Variants in C6orf141 observed in about 807,000 individuals in gnomAD.
C6orf141 encodes the protein chromosome 6 open reading frame 141, also known as uncharacterized protein C6orf141.
For missense variants in C6orf141, 361 were observed against 335.8 expected, an observed-to-expected ratio of 1.07 and a Z score of -0.59; for synonymous variants, 164 against 140.5, an observed-to-expected ratio of 1.17 and a Z score of -1.18.
chr6:49,559,244 A>G (rs1287136252), intron 4 of C6orf141, among the ~76,000 whole-genome samples: 1 of 127,394 alleles, frequency 7.8e-6, no homozygotes, highest in East Asian at 2.3e-4. Context: ...TCAGTCTTTC[A>G]TTTATGTTAG....
downstream of C6orf141, chr6:49,552,587 T>C (rs572813255): frequency 1.3e-5 from 2 of 152,372 alleles, no homozygotes; most frequent in Non-Finnish European, 2.9e-5. Flanking sequence ...CTCTGGCTTT[T>C]GATGAGCAAA....
chr6:49,557,112 G>A (rs140305997), intron 4 of C6orf141, among the ~76,000 whole-genome samples: 56 of 152,150 alleles, frequency 3.7e-4, no homozygotes, highest in African/African-American at 1.3e-3. Flanking sequence ...AATTAGCCGA[G>A]GTGATGGTGC....
intron 4 of C6orf141, chr6:49,560,449 G>A (rs1331213872): frequency 6.6e-6 from 1 of 152,272 alleles, no homozygotes. Flanking sequence ...TTGCTCAGGA[G>A]AGAACAATAA....
In C6orf141 at chr6:49,550,857, C is replaced by A; in HGVS notation, c.65C>A (p.Ser22Tyr). Residue 22 changes from serine (S) to tyrosine (Y), a missense_variant, in exon 1 of 1, where the codon TCC (serine) becomes TAC (tyrosine). Transcript: ENST00000529246. Reference sequence around the variant, plus strand: ...CAGGGAGCTGCGAATCCCATGGACTCCTCCCGCAGCCTGGGGGACCTCGGG... The same window carrying A: ...CAGGGAGCTGCGAATCCCATGGACTACTCCCGCAGCCTGGGGGACCTCGGG... ...GPQGAANPMD[S>Y]SRSLGDLGPF... is the part of the protein sequence containing the mutation. 8 of 1,500,248 alleles carry A rather than the reference C, an allele frequency of 5.3e-6. No individual in the cohort carries two copies. Among genetic ancestry groups the A allele is most frequent in the Non-Finnish European group, 7.1e-6 (8 of 1,128,666 alleles). 92.9% of individuals were successfully genotyped at this position (1,500,248 alleles called of 1,614,324 possible).
intron 4 of C6orf141, among the ~76,000 whole-genome samples, chr6:49,558,891 T>C (rs1244974228): frequency 2.6e-5 from 4 of 151,540 alleles, no homozygotes; most frequent in African/African-American, 9.7e-5. Flanking sequence ...GTATTTTTAG[T>C]AGAGACGGGG....
downstream of C6orf141, among the ~76,000 whole-genome samples, chr6:49,556,970 G>A (rs1282418261): frequency 6.6e-6 from 1 of 152,082 alleles, no homozygotes; most frequent in East Asian, 1.9e-4. Context: ...AACAGAACAA[G>A]AGGCCAAGCA....
At position 49,550,755 on chromosome 6, in the gene C6orf141, C is replaced by A; in HGVS notation, c.-38C>A. The A allele has an allele frequency of 7.0e-7, 1 of 1,428,748 alleles. No homozygotes were observed. Among genetic ancestry groups the A allele is most frequent in the Non-Finnish European group, 9.2e-7 (1 of 1,087,342 alleles). The allele number at this position is 1,428,748 out of a possible 1,614,324, so 88.5% of individuals were successfully genotyped here. On this transcript the variant is annotated 5_prime_UTR_variant, in exon 1 of 1. Coordinates refer to ENST00000529246, the MANE Select transcript of C6orf141 (RefSeq NM_001145652.2). ...TGGTCCCGCGCTTTCCGGAGCTCAG[C>A]AGGCGCTTGCTGCTTGAACCGGTCA...
intron 4 of C6orf141, among the ~76,000 whole-genome samples, chr6:49,559,425 A>G (rs1042255036): frequency 2.0e-5 from 3 of 151,878 alleles, no homozygotes; most frequent in Non-Finnish European, 2.9e-5. Flanking sequence ...GCTTTGGCAT[A>G]GTTTAATCCT....
chr6:49,554,614 C>T (rs541770828), downstream of C6orf141, among the ~76,000 whole-genome samples: 2 of 152,138 alleles, frequency 1.3e-5, no homozygotes, highest in South Asian at 4.1e-4. Context: ...ATCTCCTTGA[C>T]CTTGTGATGC....
chr6:49,556,571 AG>A (rs1771981244), downstream of C6orf141, among the ~76,000 whole-genome samples: 1 of 152,242 alleles, frequency 6.6e-6, no homozygotes, highest in Non-Finnish European at 1.5e-5. Context: ...AAGGTGAAAA[AG>A]CAGGAAGTCA....
In C6orf141 at chr6:49,551,228, G is replaced by T; in HGVS notation, c.436G>T (p.Ala146Ser). Residue 146 changes from alanine (A) to serine (S), a missense_variant, in exon 1 of 1, where the codon GCC (alanine) becomes TCC (serine). By Grantham distance (99) the Ala-to-Ser change is moderately conservative. Transcript: ENST00000529246. ...RQKRISGRRVAPPRDAADPPK... is the reference protein window; with the variant it reads ...RQKRISGRRVSPPRDAADPPK... ...AAAGCGAATTTCTGGCAGGCGTGTA[G>T]CCCCGCCGCGGGACGCAGCAGACCC... 1 of 1,551,586 alleles carries T rather than the reference G, an allele frequency of 6.4e-7. No homozygotes were observed. Among genetic ancestry groups the T allele is most frequent in the Non-Finnish European group, 8.7e-7 (1 of 1,146,926 alleles).
rs1346599956 is a variant in C6orf141, at chr6:49,551,037, A to G, written c.245A>G (p.Glu82Gly). ...CGGGCCGGGGAGGAATTGGACCGTG[A>G]GTCCTGGGTCAGAGAGAAAGTGCTC... ...GPRAGEELDR[E>G]SWVREKVLFL... Residue 82 changes from glutamate (E) to glycine (G), a missense_variant, in exon 1 of 1, where the codon GAG becomes GGG. Coordinates refer to ENST00000529246, the MANE Select transcript of C6orf141 (RefSeq NM_001145652.2). 4.5e-6 allele frequency: 7 copies of G among 1,551,458 alleles called. No homozygotes were observed. Among genetic ancestry groups the G allele is most frequent in the Non-Finnish European group, 6.1e-6 (7 of 1,146,942 alleles).
At chr6:49,554,549 T>C (rs200760195), downstream of C6orf141, among the ~76,000 whole-genome samples, 141,824 of 152,026 alleles carry the variant, frequency 0.93, 66,576 homozygotes, top group East Asian at 1. Flanking sequence ...CCTGGCTAGT[T>C]TTTTTGTATT....
Position 49,550,862 on chromosome 6 carries a change from C to T in C6orf141, c.70C>T (p.Arg24Cys), listed in dbSNP as rs936826628. 9.3e-6 allele frequency: 14 copies of T among 1,502,166 alleles called. No individual in the cohort carries two copies. The highest frequency in any genetic ancestry group is 2.0e-4 in the Middle Eastern group (1 of 5,038). 93.1% of individuals were successfully genotyped at this position (1,502,166 alleles called of 1,614,324 possible). A position where few individuals can be genotyped will look rare whatever the true frequency, so the allele number is the denominator to read the frequency against. Residue 24 changes from arginine (R) to cysteine (C), a missense_variant, in exon 1 of 1, where the codon CGC (arginine) becomes TGC (cysteine). Arg to Cys is a radical substitution (Grantham distance 180). Transcript: ENST00000529246. ...QGAANPMDSS[R>C]SLGDLGPFPR... ...AGCTGCGAATCCCATGGACTCCTCC[C>T]GCAGCCTGGGGGACCTCGGGCCTTT...
chr6:49,557,055 A>G (rs539215811), downstream of C6orf141, among the ~76,000 whole-genome samples: 1 of 152,298 alleles, frequency 6.6e-6, no homozygotes, highest in East Asian at 1.9e-4. Flanking sequence ...GGAGTTCAAG[A>G]CTAGCCTGAC....
At chr6:49,558,721 G>A (rs868315848) in intron 4 of C6orf141, among the ~76,000 whole-genome samples, 6 of 151,486 alleles carry the variant, frequency 4.0e-5, no homozygotes, top group Admixed American at 1.3e-4. Flanking sequence ...TTTTGGGGGG[G>A]GTGCGGGATG....
At chr6:49,559,148 A>C (rs1021511129) in intron 4 of C6orf141, among the ~76,000 whole-genome samples, 31 of 117,416 alleles carry the variant, frequency 2.6e-4, no homozygotes, top group African/African-American at 9.4e-4. Context: ...TTTACCATAT[A>C]TGATCTGGTC....
rs1188328733 is a variant in C6orf141 at position 49,551,104 on chromosome 6, C to T, written c.312C>T (p.Asp104=). The change falls in exon 1 of 1, where the codon GAC becomes GAT. Residue 104 remains aspartate, a synonymous_variant. Transcript: ENST00000529246. ...HPERWLGTRG[D]PAREEVAGAE... ...AGAGGTGGTTAGGGACTCGAGGGGA[C>T]CCTGCACGGGAAGAGGTGGCCGGTG... 1.3e-6 allele frequency: 2 copies of T among 1,551,676 alleles called. No homozygotes were observed. The highest frequency in any genetic ancestry group is 1.2e-5 in the South Asian group (1 of 84,060).
downstream of C6orf141, among the ~76,000 whole-genome samples, chr6:49,556,501 G>T (rs1771964967): frequency 1.3e-5 from 2 of 152,154 alleles, no homozygotes; most frequent in Admixed American, 6.5e-5. Context: ...AACTATTTCA[G>T]AAATATGGCT....
Sources: gnomAD v4.1 joint callset for allele counts (sites outside exome capture counted in the v4.1 genomes callset) on GRCh38, gnomAD v4.1.1 for gene constraint, MANE v1.5 for transcripts, NCBI Gene and HGNC (gene_info 2026-07-23, HGNC 2026-07-21) for gene names.